Variants in CA10 observed in about 807,000 individuals in gnomAD.
CA10 encodes the protein carbonic anhydrase-related protein 10.
CA10 carries 14 observed loss-of-function variants against 44.2 expected under a neutral mutation model. The ratio of observed to expected loss-of-function variants is 0.32; its 90% CI spans 0.21 to 0.50. CA10 has a LOEUF of 0.50. Ranked by LOEUF, CA10 falls within the 20% of genes least tolerant of loss-of-function variation. The pLI is 0.99. For synonymous variants in CA10, 159 were observed against 141.6 expected, an observed-to-expected ratio of 1.12 and a Z score of -0.87; for missense variants, 350 against 409.7, an observed-to-expected ratio of 0.85 and a Z score of 1.26.
At chr17:51,990,658 C>T (rs1446130220) in intron 2 of CA10, among the ~76,000 whole-genome samples, 1 of 151,996 alleles carries the variant, frequency 6.6e-6, no homozygotes, top group Non-Finnish European at 1.5e-5. Context: ...AATCTAATTC[C>T]ATTTACATTT....
chr17:51,740,876 G>T (rs543746416), intron 4 of CA10, among the ~76,000 whole-genome samples: 41 of 152,194 alleles, frequency 2.7e-4, no homozygotes, highest in African/African-American at 9.2e-4. Flanking sequence ...TAAACTTGTA[G>T]CTCACTCCTT....
intron 3 of CA10, among the ~76,000 whole-genome samples, chr17:51,853,098 T>A (rs1598082389): frequency 6.6e-6 from 1 of 152,302 alleles, no homozygotes; most frequent in Admixed American, 6.5e-5. Context: ...TTGAGTCCAC[T>A]GAGAGACATT....
At chr17:52,050,683 T>C (rs1313178522) in intron 2 of CA10, among the ~76,000 whole-genome samples, 1 of 152,076 alleles carries the variant, frequency 6.6e-6, no homozygotes, top group Non-Finnish European at 1.5e-5. Context: ...ACTTCCAAGG[T>C]TTGTGCTCCA....
At chr17:51,651,119 T>G (rs1484982955) in intron 5 of CA10, among the ~76,000 whole-genome samples, 1 of 151,868 alleles carries the variant, frequency 6.6e-6, no homozygotes, top group African/African-American at 2.4e-5. Context: ...GGGTGATAAC[T>G]CTAGGACTAA....
At chr17:51,668,365 A>T (rs1016581934) in intron 4 of CA10, among the ~76,000 whole-genome samples, 1 of 152,208 alleles carries the variant, frequency 6.6e-6, no homozygotes, top group Non-Finnish European at 1.5e-5. Context: ...TTTATAAATT[A>T]CAATGCATCT....
intron 4 of CA10, among the ~76,000 whole-genome samples, chr17:51,681,613 C>T (rs971268170): frequency 1.4e-4 from 22 of 152,088 alleles, no homozygotes; most frequent in African/African-American, 4.8e-4. Context: ...GCCAAATGTC[C>T]CCTGAAAGGC....
intron 4 of CA10, among the ~76,000 whole-genome samples, chr17:51,723,132 T>G (rs1403738051): frequency 1.3e-5 from 2 of 152,158 alleles, no homozygotes; most frequent in Non-Finnish European, 2.9e-5. Context: ...GCTTCCCATG[T>G]GTGGGACTGG....
rs1983217286 is a variant in CA10 at position 51,944,919 on chromosome 17, TAAAG to T, written c.137-13791_137-13788del. Among the ~76,000 whole-genome samples, 4 of 152,170 alleles carry T rather than the reference TAAAG, an allele frequency of 2.6e-5. No homozygotes were observed. The South Asian group carries it at 8.3e-4, about 32-fold the overall frequency. On this transcript the variant is annotated intron_variant, in intron 2 of 8. Transcript: ENST00000451037. ...TCTCTTTTCATTAGCAAGGAAATGA[TAAAG>T]AGACTCTACTTCTCTGCACCCACTT...
At chr17:51,956,549 G>C (rs756738337) in intron 2 of CA10, among the ~76,000 whole-genome samples, 1 of 152,098 alleles carries the variant, frequency 6.6e-6, no homozygotes, top group Non-Finnish European at 1.5e-5. Context: ...CTTCTCATTT[G>C]TTTTTTAATG....
Position 52,081,672 on chromosome 17 carries a change from C to T in CA10, c.62-9279G>A, listed in dbSNP as rs1007937646. ...AAAATTAGCCGGGCGTAGTGGTGGG[C>T]GCCTGTAGTCCCAGCTACTTGGGAG... On this transcript the variant is annotated intron_variant, in intron 1 of 8. Coordinates refer to ENST00000451037, the MANE Select transcript of CA10 (RefSeq NM_020178.5). Among the ~76,000 whole-genome samples, 11 of 151,902 alleles carry T rather than the reference C, an allele frequency of 7.2e-5. No homozygotes were observed. In the South Asian group the frequency reaches 1.9e-3, roughly 26 times the overall value.
chr17:51,649,153 T>G (rs1913455936), intron 6 of CA10, 29 bp downstream of exon 6: 1 of 1,528,266 alleles, frequency 6.5e-7, no homozygotes, highest in Admixed American at 1.7e-5. Flanking sequence ...ATAGAATAGT[T>G]GCTGTGGAGG....
chr17:52,014,114 G>A (rs1985893942), intron 2 of CA10, among the ~76,000 whole-genome samples: 1 of 150,940 alleles, frequency 6.6e-6, no homozygotes, highest in South Asian at 2.1e-4. Flanking sequence ...ATAATATCAG[G>A]TACCATTTAA....
chr17:52,101,916 AT>A (rs1192735100), intron 1 of CA10, among the ~76,000 whole-genome samples: 1 of 151,234 alleles, frequency 6.6e-6, no homozygotes, highest in Non-Finnish European at 1.5e-5. Flanking sequence ...CTTTCCTTCC[AT>A]TTTTTTTCTC....
chr17:51,695,228 A>G lies in CA10; in HGVS notation c.466-41492T>C, dbSNP rs149126238. Among the ~76,000 whole-genome samples, 750 of 152,338 alleles carry G rather than the reference A, an allele frequency of 4.9e-3. 9 individuals carry two copies. Among genetic ancestry groups the G allele is most frequent in the African/African-American group, 0.017 (712 of 41,574 alleles). On this transcript the variant is annotated intron_variant, in intron 4 of 8. Coordinates refer to ENST00000451037, the MANE Select transcript of CA10 (RefSeq NM_020178.5). ...GCTTGATAAGAATAGCATTGAATCT[A>G]CAGATTGCTTTGGGCAGTATGGCCA...
At chr17:51,922,549 C>A (rs913090779) in intron 3 of CA10, among the ~76,000 whole-genome samples, 4 of 152,156 alleles carry the variant, frequency 2.6e-5, no homozygotes, top group African/African-American at 9.7e-5. Flanking sequence ...TGGCTCTAAG[C>A]CCTTTCTCCT....
At chr17:51,687,368 T>C (rs1455464214) in intron 4 of CA10, among the ~76,000 whole-genome samples, 1 of 152,206 alleles carries the variant, frequency 6.6e-6, no homozygotes, top group Non-Finnish European at 1.5e-5. Context: ...GTTTGTTACC[T>C]ACAAGCCCTC....
At chr17:51,790,084 G>C (rs1906455057) in intron 3 of CA10, among the ~76,000 whole-genome samples, 1 of 152,196 alleles carries the variant, frequency 6.6e-6, no homozygotes, top group South Asian at 2.1e-4. Context: ...GGAAATGGGA[G>C]GAGCCATCGT....
chr17:52,048,044 T>A (rs2319640), intron 2 of CA10, among the ~76,000 whole-genome samples: 146,958 of 149,508 alleles, frequency 0.98, 72,226 homozygotes, highest in East Asian at 1. Flanking sequence ...CCACAAAAAT[T>A]AAAAAAAAAA....
intron 3 of CA10, among the ~76,000 whole-genome samples, chr17:51,752,346 A>G (rs1342282442): frequency 6.6e-6 from 1 of 151,812 alleles, no homozygotes; most frequent in East Asian, 1.9e-4. Flanking sequence ...TATTATACAG[A>G]CCAGGAAACA....
Sources: allele counts gnomAD v4.1 joint callset (sites outside exome capture counted in the v4.1 genomes callset), GRCh38; gene constraint gnomAD v4.1.1; transcripts MANE v1.5; gene names NCBI Gene and HGNC (gene_info 2026-07-23, HGNC 2026-07-21).